The following SPEF2 variants were observed in gnomAD, a reference collection of about 807,000 sequenced individuals.
The protein encoded by SPEF2 is sperm flagella and cilia-associated protein 2.
Under a neutral mutation model 224.6 loss-of-function variants are expected in SPEF2, and 187 were observed. The ratio of observed to expected loss-of-function variants is 0.83; its 90% confidence interval spans 0.74 to 0.94. SPEF2 has a LOEUF of 0.94. SPEF2 is among the 40% of genes least tolerant of loss of function. The pLI, the probability that SPEF2 is intolerant of heterozygous loss-of-function variation, is 0.00. For missense variants in SPEF2, 2,170 were observed against 2,135.6 expected (o/e 1.02, Z -0.32); for synonymous variants, 715 against 707.3 (o/e 1.01, Z -0.17).
chr5:35,765,545 G>A (rs147173778), intron 26 of SPEF2, among the ~76,000 whole-genome samples: 6 of 152,136 alleles, frequency 3.9e-5, no homozygotes, highest in African/African-American at 9.6e-5. Context: ...CCGTTTCACC[G>A]CACTATCATC....
chr5:35,713,317 A>G (rs1360259776), intron 20 of SPEF2, among the ~76,000 whole-genome samples: 1 of 152,188 alleles, frequency 6.6e-6, no homozygotes. Flanking sequence ...GCCTTGGTAC[A>G]ATACTGTTAA....
chr5:35,796,212 A>G (rs574105429), intron 33 of SPEF2, among the ~76,000 whole-genome samples: 1 of 152,234 alleles, frequency 6.6e-6, no homozygotes, highest in Non-Finnish European at 1.5e-5. Flanking sequence ...AGCATTGCCC[A>G]TAGCCCATCA....
intron 10 of SPEF2, among the ~76,000 whole-genome samples, chr5:35,674,359 GTGT>G (rs1751593152): frequency 1.1e-5 from 1 of 93,190 alleles, no homozygotes; most frequent in Non-Finnish European, 2.3e-5. Flanking sequence ...TTTTTTTTTG[GTGT>G]TTCCAAATTC....
In SPEF2 at chr5:35,734,083, A is replaced by G. The variant is rs577638439; in HGVS notation, c.3064-5836A>G. Among the ~76,000 whole-genome samples the G allele has an allele frequency of 1.5e-3, 234 of 152,268 alleles. 2 individuals carry two copies. The highest frequency in any genetic ancestry group is 2.6e-3 in the Non-Finnish European group (174 of 68,022). ...AAAGGAATCACAGAGACCTGTTTGG[A>G]GGCCCCTATACTGCTCTAGACAAGA... On this transcript the variant is annotated intron_variant, in intron 21 of 36. Coordinates refer to ENST00000356031, the MANE Select transcript of SPEF2 (RefSeq NM_024867.4).
intron 26 of SPEF2, among the ~76,000 whole-genome samples, chr5:35,764,369 A>G (rs1438558938): frequency 1.3e-5 from 2 of 151,974 alleles, no homozygotes; most frequent in African/African-American, 4.8e-5. Flanking sequence ...AAATATCCAA[A>G]TGAAATTTGA....
intron 23 of SPEF2, among the ~76,000 whole-genome samples, chr5:35,740,493 T>C (rs1580531255): frequency 6.6e-6 from 1 of 152,208 alleles, no homozygotes; most frequent in Non-Finnish European, 1.5e-5. Flanking sequence ...AAGTCCGCAC[T>C]GCGAGAACAT....
chr5:35,634,805 T>G (rs1392653652), intron 2 of SPEF2, among the ~76,000 whole-genome samples: 1 of 152,136 alleles, frequency 6.6e-6, no homozygotes, highest in Non-Finnish European at 1.5e-5. Flanking sequence ...TACATTGGTG[T>G]GGTACATTTG....
At chr5:35,632,731 A>G (rs576128944) in intron 2 of SPEF2, among the ~76,000 whole-genome samples, 17 of 152,268 alleles carry the variant, frequency 1.1e-4, no homozygotes, top group African/African-American at 3.8e-4. Context: ...ATTCAGCTGT[A>G]TCACATAAGT....
At chr5:35,663,824 C>T (rs937920418) in intron 8 of SPEF2, among the ~76,000 whole-genome samples, 4 of 152,166 alleles carry the variant, frequency 2.6e-5, no homozygotes, top group Non-Finnish European at 4.4e-5. Context: ...ATCTTGGAAA[C>T]ACTACAGTCA....
chr5:35,699,882 A>T (rs1738244913), intron 15 of SPEF2: 1 of 152,778 alleles, frequency 6.5e-6, no homozygotes, highest in Admixed American at 6.5e-5. Flanking sequence ...TAAAGTGTTG[A>T]TATGGTTTGA....
chr5:35,739,369 T>C (rs1747188503), intron 21 of SPEF2, among the ~76,000 whole-genome samples: 3 of 152,060 alleles, frequency 2.0e-5, no homozygotes, highest in South Asian at 2.1e-4. Flanking sequence ...TGTATCTGGG[T>C]AGGATTTCTG....
intron 2 of SPEF2, among the ~76,000 whole-genome samples, chr5:35,629,410 G>C (rs1177962482): frequency 1.3e-5 from 2 of 151,640 alleles, no homozygotes; most frequent in Non-Finnish European, 2.9e-5. Context: ...ACTTGTCTCA[G>C]CCTCCTAAAG....
At chr5:35,755,873 G>A (rs879809833) in intron 24 of SPEF2, among the ~76,000 whole-genome samples, 4 of 152,134 alleles carry the variant, frequency 2.6e-5, no homozygotes, top group Non-Finnish European at 4.4e-5. Context: ...GCCTCCCAAA[G>A]TGCTGGGATT....
chr5:35,769,991 G>C (rs7729522), intron 26 of SPEF2, among the ~76,000 whole-genome samples: 3,075 of 33,192 alleles, frequency 0.093, 63 homozygotes, highest in South Asian at 0.25. Context: ...CCTCCATAAT[G>C]TGTGTGTGTG....
At chr5:35,713,019 C>T in intron 20 of SPEF2, 133 bp downstream of exon 20, 1 of 832,836 alleles carries the variant, frequency 1.2e-6, no homozygotes. Flanking sequence ...TAAGCCCTTG[C>T]CAAAGAATAT....
At chr5:35,742,441 ACTCAAC>A (rs1386848739) in intron 23 of SPEF2, among the ~76,000 whole-genome samples, 2 of 152,074 alleles carry the variant, frequency 1.3e-5, no homozygotes, top group African/African-American at 4.8e-5. Context: ...TGTAAATTTT[ACTCAAC>A]TAACAGATTA....
intron 9 of SPEF2, among the ~76,000 whole-genome samples, chr5:35,667,535 A>T (rs1029298044): frequency 2.6e-5 from 4 of 152,158 alleles, no homozygotes; most frequent in African/African-American, 7.2e-5. Context: ...TTTGAGGAAA[A>T]AAATGGGAGA....
intron 10 of SPEF2, chr5:35,671,445 G>A (rs954597891): frequency 3.5e-5 from 34 of 977,922 alleles, no homozygotes; most frequent in Middle Eastern, 1.0e-3. Flanking sequence ...TGTTTTGTAC[G>A]GTTGTAAAAT....
chr5:35,700,657 C>G lies in SPEF2; in HGVS notation c.2303C>G (p.Ser768Cys). The part of the protein sequence containing the change: ...KSTLAIDPAT[S>C]KEIPLPSPAF... ...ACATTGGCTATTGATCCTGCGACTTCCAAAGAAATACCTCTTCCCTCTCCT... is the reference window on the plus strand; with the variant it reads ...ACATTGGCTATTGATCCTGCGACTTGCAAAGAAATACCTCTTCCCTCTCCT... Residue 768 changes from serine (S) to cysteine (C), a missense_variant, in exon 16 of 37, where the codon TCC (serine) becomes TGC (cysteine). Ser to Cys is a moderately radical substitution (Grantham distance 112). Transcript: ENST00000356031. The G allele has an allele frequency of 6.2e-7, 1 of 1,614,012 alleles. No individual in the cohort carries two copies. Among genetic ancestry groups the G allele is most frequent in the Non-Finnish European group, 8.5e-7 (1 of 1,179,968 alleles).
Sources: gnomAD v4.1 joint callset for allele counts (sites outside exome capture counted in the v4.1 genomes callset) on GRCh38, gnomAD v4.1.1 for gene constraint, MANE v1.5 for transcripts, NCBI Gene and HGNC (gene_info 2026-07-23, HGNC 2026-07-21) for gene names.